The following WDR5 variants were observed in gnomAD, a reference collection of about 807,000 sequenced individuals.
WDR5 encodes the protein WD repeat-containing protein 5.
For missense variants in WDR5, 187 were observed against 416.9 expected (o/e 0.45, Z 4.80); for synonymous variants, 144 against 161.6 (o/e 0.89, Z 0.83).
chr9:134,155,451 G>A (rs1253286180), intron 11 of WDR5, 78 bp downstream of exon 11: 19 of 1,508,182 alleles, frequency 1.3e-5, no homozygotes, highest in Admixed American at 1.1e-4. Context: ...AGCTGGCCCC[G>A]GTGATGACAA....
intron 7 of WDR5, among the ~76,000 whole-genome samples, chr9:134,145,884 C>T (rs575526845): frequency 6.6e-6 from 1 of 152,176 alleles, no homozygotes; most frequent in East Asian, 1.9e-4. Context: ...TGGCTAGGGG[C>T]CTTGCCATCC....
chr9:134,141,420 AC>A, intron 3 of WDR5, 89 bp from the exon 4 acceptor site: 1 of 1,261,168 alleles, frequency 7.9e-7, no homozygotes. Flanking sequence ...ATCACCTGGG[AC>A]TCATGTGGGA....
At position 134,142,707 on chromosome 9, in the gene WDR5, T is replaced by C. The variant is rs1405677646; in HGVS notation, c.516T>C (p.Asp172=). 1.2e-6 allele frequency: 2 copies of C among 1,614,112 alleles called. No individual in the cohort carries two copies. Among genetic ancestry groups the C allele is most frequent in the Non-Finnish European group, 1.7e-6 (2 of 1,180,050 alleles). Residue 172 remains aspartate (D), a synonymous_variant, in exon 7 of 14, where the codon GAT becomes GAC. Coordinates refer to ENST00000358625, the MANE Select transcript of WDR5 (RefSeq NM_017588.3). ...TCAAGACTTTGCCAGCTCACTCGGA[T>C]CCAGTCTCGGCCGTAAGTCCCTCTG... is the stretch of plus-strand genomic sequence containing the variant. ...KCLKTLPAHS[D]PVSAVHFNRD... is the part of the protein sequence containing the mutation.
chr9:134,137,282 A>G (rs1267797493), intron 1 of WDR5, among the ~76,000 whole-genome samples: 1 of 152,140 alleles, frequency 6.6e-6, no homozygotes, highest in Admixed American at 6.5e-5. Flanking sequence ...CCGCCAATTC[A>G]TCACCGTTCC....
rs1181157285 is a variant in WDR5 at position 134,157,482 on chromosome 9, A to G, written c.905-411A>G. The stretch of plus-strand genomic sequence containing the variant: ...AGTGGGCGGCTCAGGGTCCGAGGAG[A>G]AGAGGGACATTGTCGATAAAGGACT... On this transcript the variant is annotated intron_variant, in intron 13 of 13. Coordinates refer to ENST00000358625, the MANE Select transcript of WDR5 (RefSeq NM_017588.3). This position sits in a 1 kb window ranked among gnomAD's most constrained non-coding sequence, Gnocchi z 5.0. Among the ~76,000 whole-genome samples, 2 of 151,928 alleles carry G rather than the reference A, an allele frequency of 1.3e-5. No homozygotes were observed. Among genetic ancestry groups the G allele is most frequent in the South Asian group, 2.1e-4 (1 of 4,818 alleles).
At chr9:134,143,801 C>T (rs1460966494) in intron 7 of WDR5, among the ~76,000 whole-genome samples, 2 of 150,100 alleles carry the variant, frequency 1.3e-5, no homozygotes, top group African/African-American at 4.9e-5. Flanking sequence ...AAGTGTGAGT[C>T]ACTGCGCCCG....
At chr9:134,153,746 T>C (rs1180393301) in intron 9 of WDR5, among the ~76,000 whole-genome samples, 2 of 136,418 alleles carry the variant, frequency 1.5e-5, no homozygotes, top group Non-Finnish European at 3.1e-5. Flanking sequence ...TGCTTGGGGG[T>C]CGGTGGGGGT....
rs200644416 is a variant in WDR5, at chr9:134,142,728, C to T, written c.528+9C>T. The T allele has an allele frequency of 1.3e-4, 213 of 1,613,998 alleles. No individual in the cohort carries two copies. The highest frequency in any genetic ancestry group is 1.8e-5 in the Non-Finnish European group (21 of 1,179,940). ...CGGATCCAGTCTCGGCCGTAAGTCC[C>T]TCTGACACGGATGGGGTGGTGTCCA... On this transcript the variant is annotated intron_variant, in intron 7 of 13. Coordinates refer to ENST00000358625, the MANE Select transcript of WDR5 (RefSeq NM_017588.3).
chr9:134,142,279 T>C, intron 5 of WDR5, 54 bp from the exon 6 acceptor site: 2 of 1,563,282 alleles, frequency 1.3e-6, no homozygotes, highest in East Asian at 2.2e-5. Flanking sequence ...GTGACCTGAC[T>C]CTTACGTTTG....
intron 6 of WDR5, 42 bp downstream of exon 6, chr9:134,142,464 G>T: frequency 6.2e-7 from 1 of 1,606,012 alleles, no homozygotes; most frequent in Non-Finnish European, 8.5e-7. Flanking sequence ...AGGTGGTGTC[G>T]GATGTGGGAA....
At chr9:134,147,820 G>C (rs1832280704) in intron 7 of WDR5, among the ~76,000 whole-genome samples, 1 of 151,864 alleles carries the variant, frequency 6.6e-6, no homozygotes, top group East Asian at 1.9e-4. Flanking sequence ...AGGAGTTCGA[G>C]ACCAGCCTGG....
chr9:134,140,301 A>G (rs1413354119), intron 2 of WDR5, among the ~76,000 whole-genome samples: 1 of 152,088 alleles, frequency 6.6e-6, no homozygotes, highest in African/African-American at 2.4e-5. Flanking sequence ...ACCTTTAGCA[A>G]AGGGAGCAGG....
Position 134,140,786 on chromosome 9 carries a change from G to T in WDR5, c.165G>T (p.Pro55=). ...TKAVSSVKFS[P]NGEWLASSSA... is the part of the protein sequence containing the mutation. Reference sequence around the variant, plus strand: ...CAGTGTCCTCCGTGAAATTCAGCCCGAATGGAGAGTGGCTGGCAAGTTCAT... The same window carrying T: ...CAGTGTCCTCCGTGAAATTCAGCCCTAATGGAGAGTGGCTGGCAAGTTCAT... The change falls in exon 3 of 14, where the codon CCG becomes CCT. Residue 55 remains proline (P), a synonymous_variant. Transcript: ENST00000358625. 6.2e-7 allele frequency: 1 copy of T among 1,614,152 alleles called. No homozygotes were observed. The highest frequency in any genetic ancestry group is 8.5e-7 in the Non-Finnish European group (1 of 1,180,012).
Position 134,142,621 on chromosome 9 carries a change from C to A in WDR5, c.445-15C>A, listed in dbSNP as rs770531710. On this transcript the variant is annotated splice_polypyrimidine_tract_variant and intron_variant, in intron 6 of 13. Coordinates refer to ENST00000358625, the MANE Select transcript of WDR5 (RefSeq NM_017588.3). ...CTCCTTCCTGTAAAATCACTGTCAT[C>A]TCTTTTGTGTTCAGTTTGACGAAAG... 1.2e-6 allele frequency: 2 copies of A among 1,614,024 alleles called. No homozygotes were observed. Among genetic ancestry groups the A allele is most frequent in the Non-Finnish European group, 8.5e-7 (1 of 1,179,914 alleles).
chr9:134,139,621 G>T (rs529420599), intron 1 of WDR5, among the ~76,000 whole-genome samples, 199 bp from the exon 2 acceptor site: 2 of 152,234 alleles, frequency 1.3e-5, no homozygotes, highest in South Asian at 4.1e-4. Context: ...AGGGGAGAGC[G>T]CAGGGGTGTC....
intron 8 of WDR5, among the ~76,000 whole-genome samples, chr9:134,150,623 T>G (rs1832441169): frequency 6.6e-6 from 1 of 152,216 alleles, no homozygotes; most frequent in African/African-American, 2.4e-5. Context: ...GTAGATATGT[T>G]TGCATGTTTT....
chr9:134,141,234 T>C (rs1442472562), intron 3 of WDR5, among the ~76,000 whole-genome samples: 1 of 152,036 alleles, frequency 6.6e-6, no homozygotes, highest in African/African-American at 2.4e-5. Context: ...TGCAGTGAGC[T>C]GAGATCATGC....
At chr9:134,141,485 C>T (rs774922651) in intron 3 of WDR5, 25 bp from the exon 4 acceptor site, 3 of 1,612,538 alleles carry the variant, frequency 1.9e-6, no homozygotes, top group Non-Finnish European at 2.5e-6. Flanking sequence ...TGCTCTTAGC[C>T]TCAGATCCTT....
intron 10 of WDR5, 143 bp from the exon 11 acceptor site, chr9:134,155,197 C>A: frequency 2.0e-6 from 2 of 981,084 alleles, no homozygotes; most frequent in Non-Finnish European, 2.9e-6. Context: ...GGGCTCCTTA[C>A]CCTGATGGGG....
Sources: gnomAD v4.1 joint callset for allele counts (sites outside exome capture counted in the v4.1 genomes callset) on GRCh38, gnomAD v4.1.1 for gene constraint, Gnocchi (gnomAD v3.1) non-coding constraint, MANE v1.5 for transcripts, NCBI Gene and HGNC (gene_info 2026-07-23, HGNC 2026-07-21) for gene names.